Variants in ARHGEF6 observed in about 807,000 individuals in gnomAD.
ARHGEF6 encodes the protein Rac/Cdc42 guanine nucleotide exchange factor 6.
A neutral mutation model predicts 70.3 loss-of-function variants in ARHGEF6; 9 were observed. That is an observed-to-expected ratio of 0.13 (90% CI 0.08 to 0.22). ARHGEF6 has a LOEUF of 0.22. Among genes scored for constraint, ARHGEF6 ranks in the 10% least tolerant of loss-of-function variants. The pLI is 1.00. For synonymous variants in ARHGEF6, 201 were observed against 207.8 expected, an observed-to-expected ratio of 0.97 and a Z score of 0.28; for missense variants, 470 against 563.0, an observed-to-expected ratio of 0.83 and a Z score of 1.67.
At chrX:136,760,967 A>G (rs905829923) in intron 2 of ARHGEF6, among the ~76,000 whole-genome samples, 9 of 112,523 alleles carry the variant, frequency 8.0e-5, no homozygotes, top group African/African-American at 1.3e-4. Flanking sequence ...TAGTTTATGC[A>G]TAGACTAGAA....
chrX:136,680,841 T>C lies in ARHGEF6; in HGVS notation c.1594A>G (p.Asn532Asp). ...AACCATTCCTGGAAGTCCTGGTTGT[T>C]GTTACAATGGACCACAATTCTCTCC... is the stretch of plus-strand genomic sequence containing the variant. ...TVERIVVHCN[N>D]NQDFQEWLEQ... Residue 532 changes from asparagine to aspartate, a missense_variant, in exon 15 of 22, where the codon AAC becomes GAC. Coordinates refer to ENST00000250617, the MANE Select transcript of ARHGEF6 (RefSeq NM_004840.3). 8.3e-7 allele frequency: 1 copy of C among 1,211,888 alleles called. No individual in the cohort carries two copies. Among genetic ancestry groups the C allele is most frequent in the Non-Finnish European group, 1.1e-6 (1 of 895,392 alleles).
At chrX:136,668,533 C>CTTCTTCTTCTTATTATTATTA (rs61661248) in intron 21 of ARHGEF6, among the ~76,000 whole-genome samples, 29 of 98,462 alleles carry the variant, frequency 2.9e-4, no homozygotes, top group African/African-American at 1.0e-3. Context: ...TCTTCTTCTT[C>CTTCTTCTTCTTATTATTATTA]TTATTATTAT....
intron 9 of ARHGEF6, among the ~76,000 whole-genome samples, chrX:136,692,300 C>A: frequency 9.0e-6 from 1 of 111,503 alleles, no homozygotes; most frequent in South Asian, 3.8e-4. Flanking sequence ...CCATTTTGCC[C>A]AGGCTGGTGT....
chrX:136,747,684 G>A (rs781540816), intron 2 of ARHGEF6, 92 bp from the exon 3 acceptor site: 17,714 of 121,222 alleles, frequency 0.15, 1,409 homozygotes, highest in African/African-American at 0.26. Context: ...CAGCTCTCCG[G>A]AAAAAAAAAA....
chrX:136,673,868 C>T (rs1209722809), intron 19 of ARHGEF6, among the ~76,000 whole-genome samples: 1 of 109,701 alleles, frequency 9.1e-6, no homozygotes, highest in African/African-American at 3.3e-5. Context: ...CTCTCGTTCT[C>T]TTGTATTTAT....
chrX:136,778,438 T>C (rs1047952380), intron 2 of ARHGEF6, among the ~76,000 whole-genome samples: 1 of 111,655 alleles, frequency 9.0e-6, no homozygotes, highest in African/African-American at 3.3e-5. Flanking sequence ...TCATAGATCT[T>C]ACAAGGTTGG....
chrX:136,719,975 T>G (rs1446729804), intron 6 of ARHGEF6, among the ~76,000 whole-genome samples: 2 of 111,901 alleles, frequency 1.8e-5, no homozygotes, highest in Non-Finnish European at 3.8e-5. Context: ...CTACATCTAG[T>G]AAAGAAAATG....
intron 9 of ARHGEF6, among the ~76,000 whole-genome samples, chrX:136,697,274 T>C (rs1448246427): frequency 8.9e-6 from 1 of 111,839 alleles, no homozygotes; most frequent in African/African-American, 3.3e-5. Context: ...ATTTTGGTAG[T>C]AAGCCAATAA....
At chrX:136,767,919 C>CCTTCACATACCACCCTTCCTCCA in intron 2 of ARHGEF6, 1 of 490,127 alleles carries the variant, frequency 2.0e-6, no homozygotes, top group Non-Finnish European at 2.5e-6. Flanking sequence ...CCGCGGCGGC[C>CCTTCACATACCACCCTTCCTCCA]ACACTGCGCA....
intron 12 of ARHGEF6, 73 bp downstream of exon 12, chrX:136,685,604 C>CAAAAAAA: frequency 1.1e-6 from 1 of 935,125 alleles, no homozygotes; most frequent in Non-Finnish European, 1.4e-6. Flanking sequence ...AAGACTCCGT[C>CAAAAAAA]AAAAAAAAAA....
intron 20 of ARHGEF6, among the ~76,000 whole-genome samples, chrX:136,671,071 T>C (rs1846525142): frequency 8.9e-6 from 1 of 112,259 alleles, no homozygotes; most frequent in Admixed American, 9.4e-5. Context: ...AATATCGTTA[T>C]AATAAGAATT....
intron 6 of ARHGEF6, among the ~76,000 whole-genome samples, chrX:136,727,016 C>T (rs1471676112): frequency 1.8e-5 from 2 of 112,481 alleles, no homozygotes; most frequent in Admixed American, 9.4e-5. Flanking sequence ...CACATTCTTG[C>T]CTGGGAGAAT....
At chrX:136,694,517 C>T (rs775217992) in intron 9 of ARHGEF6, among the ~76,000 whole-genome samples, 1 of 111,755 alleles carries the variant, frequency 8.9e-6, no homozygotes, top group African/African-American at 3.3e-5. Context: ...TCATTGCTGG[C>T]AACCATGGTA....
At chrX:136,744,963 G>C (rs1366366890) in intron 4 of ARHGEF6, among the ~76,000 whole-genome samples, 3 of 112,117 alleles carry the variant, frequency 2.7e-5, no homozygotes, top group Admixed American at 1.9e-4. Context: ...ACTTCCATTT[G>C]CATAGCATTC....
intron 11 of ARHGEF6, 104 bp from the exon 12 acceptor site, chrX:136,685,927 T>G: frequency 2.3e-6 from 2 of 862,640 alleles, no homozygotes; most frequent in Non-Finnish European, 3.4e-6. Flanking sequence ...TCCCACTGAG[T>G]CCCTATTCCT....
At chrX:136,752,985 A>G (rs2077168088) in intron 2 of ARHGEF6, among the ~76,000 whole-genome samples, 1 of 111,820 alleles carries the variant, frequency 8.9e-6, no homozygotes, top group Non-Finnish European at 1.9e-5. Context: ...GCTTAGTCAT[A>G]TTTCACTGGG....
chrX:136,677,997 G>A, intron 16 of ARHGEF6, 41 bp from the exon 17 acceptor site: 1 of 1,141,761 alleles, frequency 8.8e-7, no homozygotes, highest in East Asian at 3.0e-5. Context: ...GAGCGTGAGA[G>A]GTCGATGGTT....
intron 1 of ARHGEF6, 103 bp downstream of exon 1, chrX:136,780,615 G>T: frequency 1.3e-6 from 1 of 743,516 alleles, no homozygotes; most frequent in Non-Finnish European, 2.1e-6. Flanking sequence ...AAATATTAAA[G>T]TAGGAGATTC....
chrX:136,749,880 C>T (rs1164124664), intron 2 of ARHGEF6, among the ~76,000 whole-genome samples: 1 of 111,762 alleles, frequency 8.9e-6, no homozygotes, highest in African/African-American at 3.3e-5. Context: ...TCAGATACAA[C>T]CACAAACACC....
Sources: allele counts gnomAD v4.1 joint callset (sites outside exome capture counted in the v4.1 genomes callset), GRCh38; gene constraint gnomAD v4.1.1; transcripts MANE v1.5; gene names NCBI Gene and HGNC (gene_info 2026-07-23, HGNC 2026-07-21).